TLL2: variants seen among roughly 807,000 people sequenced by gnomAD.
TLL2 encodes tolloid like 2.
A neutral mutation model predicts 123.0 loss-of-function variants in TLL2; 106 were observed. The observed-to-expected ratio is 0.86, with a 90% confidence interval of 0.74 to 1.01. The LOEUF (loss-of-function observed/expected upper bound fraction) is 1.01. Ranked by LOEUF, TLL2 falls within the 50% of genes least tolerant of loss-of-function variation. The probability of loss-of-function intolerance (pLI) is 0.00; values close to 1 mark genes in which losing one functional copy is unlikely to be tolerated. For synonymous variants in TLL2, 494 were observed against 516.8 expected, an observed-to-expected ratio of 0.96 and a Z score of 0.60; for missense variants, 1,332 against 1,336.7, an observed-to-expected ratio of 1.00 and a Z score of 0.06.
intron 2 of TLL2, among the ~76,000 whole-genome samples, chr10:96,460,359 C>G (rs1847069181): frequency 6.6e-6 from 1 of 152,074 alleles, no homozygotes; most frequent in South Asian, 2.1e-4. Context: ...AAATTGTAAC[C>G]CTCCAATGTG....
chr10:96,407,790 G>A (rs1408929283), intron 9 of TLL2, among the ~76,000 whole-genome samples: 1 of 152,206 alleles, frequency 6.6e-6, no homozygotes, highest in Non-Finnish European at 1.5e-5. Context: ...AAACAGGTCA[G>A]CTCACCTTCT....
At chr10:96,436,968 G>T (rs1003850805) in intron 3 of TLL2, among the ~76,000 whole-genome samples, 2 of 152,132 alleles carry the variant, frequency 1.3e-5, no homozygotes, top group African/African-American at 4.8e-5. Context: ...TTACAGGCAT[G>T]CACCACCGCA....
chr10:96,370,950 T>C (rs1846076995), intron 19 of TLL2, among the ~76,000 whole-genome samples: 2 of 151,970 alleles, frequency 1.3e-5, no homozygotes, highest in African/African-American at 2.4e-5. Flanking sequence ...TTTTTCATTA[T>C]ACAAGGACAG....
intron 5 of TLL2, among the ~76,000 whole-genome samples, chr10:96,426,494 T>G (rs1175702345): frequency 2.0e-5 from 3 of 152,202 alleles, no homozygotes; most frequent in Non-Finnish European, 4.4e-5. Context: ...AATAATCTGT[T>G]TTTGAAGTTT....
At chr10:96,422,511 C>A in intron 6 of TLL2, 38 bp downstream of exon 6, 1 of 1,610,290 alleles carries the variant, frequency 6.2e-7, no homozygotes. Context: ...GCCACCTTCT[C>A]GACCGGTGCC....
intron 10 of TLL2, among the ~76,000 whole-genome samples, chr10:96,399,981 C>T (rs915021560): frequency 6.6e-6 from 1 of 152,244 alleles, no homozygotes; most frequent in Non-Finnish European, 1.5e-5. Flanking sequence ...CAAAACTAGA[C>T]TTCGTAGAAC....
intron 13 of TLL2, among the ~76,000 whole-genome samples, chr10:96,392,380 G>A (rs1308034888): frequency 6.6e-6 from 1 of 151,358 alleles, no homozygotes; most frequent in Non-Finnish European, 1.5e-5. Flanking sequence ...CACAGTATGT[G>A]ATATTTGGGA....
intron 10 of TLL2, among the ~76,000 whole-genome samples, chr10:96,401,503 TACACACAC>T (rs60660163): frequency 2.7e-5 from 4 of 147,926 alleles, no homozygotes; most frequent in African/African-American, 9.9e-5. Flanking sequence ...GCTGGCACTC[TACACACAC>T]ACACACACAC....
intron 1 of TLL2, 102 bp downstream of exon 1, chr10:96,513,409 G>A: frequency 6.8e-7 from 1 of 1,465,852 alleles, no homozygotes; most frequent in Non-Finnish European, 9.3e-7. Context: ...CAGGGGAGGG[G>A]AGGGGAGACC....
rs777944531 is a variant in TLL2 at position 96,376,690 on chromosome 10, A to C, written c.2448+2T>G. On this transcript the variant is annotated splice_donor_variant, in intron 18 of 20. Transcript: ENST00000357947. LOFTEE classifies it high-confidence loss of function. ...TCTCAATAAACTACAAAAATGACTC[A>C]CGAGTTTCACTCTGTGGCCTGCAGT... is the stretch of plus-strand genomic sequence containing the variant. 3 of 1,609,526 alleles carry C rather than the reference A, an allele frequency of 1.9e-6. No homozygotes were observed. Among genetic ancestry groups the C allele is most frequent in the African/African-American group, 1.3e-5 (1 of 74,408 alleles).
At chr10:96,432,023 C>A (rs1176040082) in intron 4 of TLL2, among the ~76,000 whole-genome samples, 2 of 151,854 alleles carry the variant, frequency 1.3e-5, no homozygotes, top group Non-Finnish European at 2.9e-5. Flanking sequence ...TAGAGAGGGT[C>A]AAAGGCCAGG....
chr10:96,384,625 G>C lies in TLL2; in HGVS notation c.2156C>G (p.Thr719Ser), dbSNP rs1447896880. The change falls in exon 16 of 21, where the codon ACC (threonine) becomes AGC (serine). Residue 719 changes from threonine to serine, a missense_variant. Physicochemically the swap from Thr to Ser is moderately conservative, Grantham distance 58. Coordinates refer to ENST00000357947, the MANE Select transcript of TLL2 (RefSeq NM_012465.4). ...GGCCCTGAAGCCGCGCTTGGAGACG[G>C]TGTTGTCGGACTTGAACTCCACGCG... is the stretch of plus-strand genomic sequence containing the variant. ...NMRVEFKSDN[T>S]VSKRGFRAHF... 9 of 1,607,226 alleles carry C rather than the reference G, an allele frequency of 5.6e-6. No homozygotes were observed. The highest frequency in any genetic ancestry group is 7.7e-6 in the Non-Finnish European group (9 of 1,175,370).
rs536432029 is a variant in TLL2 at position 96,385,913 on chromosome 10, G to A, written c.2013+142C>T. 9.7e-5 allele frequency: 79 copies of A among 813,652 alleles called. No individual in the cohort carries two copies. In the East Asian group the frequency reaches 2.4e-3, roughly 25 times the overall value. The allele number at this position is 813,652 out of a possible 1,614,324, so 50.4% of individuals were successfully genotyped here. ...AACTGCTGGAGAAAACATTCCCCCA[G>A]ATTCTGCTAGCGCAGGTCCTAAGAC... is the stretch of plus-strand genomic sequence containing the variant. On this transcript the variant is annotated intron_variant, in intron 15 of 20. Transcript: ENST00000357947.
At chr10:96,406,634 A>G (rs917826801) in intron 9 of TLL2, among the ~76,000 whole-genome samples, 11 of 152,044 alleles carry the variant, frequency 7.2e-5, no homozygotes, top group Admixed American at 7.2e-4. Flanking sequence ...AAGGACTGTT[A>G]TTTGGCCTTG....
intron 2 of TLL2, among the ~76,000 whole-genome samples, chr10:96,450,851 A>C (rs535771410): frequency 3.3e-4 from 50 of 151,528 alleles, no homozygotes; most frequent in African/African-American, 1.2e-3. Flanking sequence ...AGACAAAAAA[A>C]AAGTTTGAAA....
At chr10:96,384,398 G>A (rs1014305708) in intron 16 of TLL2, among the ~76,000 whole-genome samples, 189 bp downstream of exon 16, 8 of 152,170 alleles carry the variant, frequency 5.3e-5, no homozygotes, top group Non-Finnish European at 1.2e-4. Context: ...GGCAGCCCTA[G>A]GAAACTAACA....
At chr10:96,449,070 C>T (rs1461851265) in intron 2 of TLL2, among the ~76,000 whole-genome samples, 3 of 152,224 alleles carry the variant, frequency 2.0e-5, no homozygotes, top group Admixed American at 6.5e-5. Context: ...AATTATAGTG[C>T]AAACCATGTG....
intron 9 of TLL2, among the ~76,000 whole-genome samples, chr10:96,406,559 C>G (rs1846452306): frequency 6.6e-6 from 1 of 152,154 alleles, no homozygotes; most frequent in African/African-American, 2.4e-5. Flanking sequence ...GGCCCTCTAG[C>G]TCTAAGTAAA....
chr10:96,451,115 A>G (rs931187840), intron 2 of TLL2, among the ~76,000 whole-genome samples: 7 of 152,310 alleles, frequency 4.6e-5, no homozygotes, highest in African/African-American at 1.2e-4. Flanking sequence ...CCCGGCTGAA[A>G]TGTTTCTATC....
Sources: gnomAD v4.1 joint callset for allele counts (sites outside exome capture counted in the v4.1 genomes callset) on GRCh38, gnomAD v4.1.1 for gene constraint, MANE v1.5 for transcripts, NCBI Gene and HGNC (gene_info 2026-07-23, HGNC 2026-07-21) for gene names.